Variants in ANXA3 observed in about 807,000 individuals in gnomAD.
ANXA3 encodes the protein annexin A3, also known as 35-alpha calcimedin.
In ANXA3, 46 loss-of-function variants were observed where a neutral mutation model predicts 48.8. The observed-to-expected ratio is 0.94, with a 90% CI of 0.74 to 1.21. The LOEUF (loss-of-function observed/expected upper bound fraction) is 1.21, where lower values mean the gene tolerates loss of function less well. Ranked by LOEUF, ANXA3 falls within the 50% of genes most tolerant of loss-of-function variation. The pLI, the probability that ANXA3 is intolerant of heterozygous loss-of-function variation, is 0.00. For missense variants in ANXA3, 383 were observed against 378.6 expected (o/e 1.01, Z -0.10); for synonymous variants, 128 against 134.7 (o/e 0.95, Z 0.35).
At chr4:78,551,999 C>G (rs1049143710) in intron 1 of ANXA3, 140 bp downstream of exon 1, 8 of 152,332 alleles carry the variant, frequency 5.3e-5, no homozygotes, top group African/African-American at 1.9e-4. Context: ...GGCTGGCGCC[C>G]GCGCCCGGCC....
intron 11 of ANXA3, 43 bp downstream of exon 11, chr4:78,601,611 T>G: frequency 6.5e-7 from 1 of 1,534,078 alleles, no homozygotes; most frequent in Non-Finnish European, 9.0e-7. Context: ...GTCCCTTAAT[T>G]CCCTTGGGAA....
Position 78,604,258 on chromosome 4 carries a change from C to T in ANXA3, c.790-19C>T, listed in dbSNP as rs1013555598. Reference sequence around the variant, plus strand: ...TGACCAATGACATTTGTGTTGTGAACACCTGCATTCCTTAACAGGGTATTG... The same window carrying T: ...TGACCAATGACATTTGTGTTGTGAATACCTGCATTCCTTAACAGGGTATTG... On this transcript the variant is annotated intron_variant, in intron 11 of 12. Transcript: ENST00000264908. 3.8e-6 allele frequency: 6 copies of T among 1,587,996 alleles called. No individual in the cohort carries two copies. The highest frequency in any genetic ancestry group is 5.2e-6 in the Non-Finnish European group (6 of 1,162,208).
At chr4:78,596,742 T>C (rs1369064476) in intron 9 of ANXA3, among the ~76,000 whole-genome samples, 1 of 152,234 alleles carries the variant, frequency 6.6e-6, no homozygotes, top group Non-Finnish European at 1.5e-5. Context: ...ATTTCTTTTT[T>C]TAAAAATGTA....
At chr4:78,604,430 A>ATTTTT in intron 12 of ANXA3, 31 bp downstream of exon 12, 2 of 1,592,902 alleles carry the variant, frequency 1.3e-6, no homozygotes, top group Non-Finnish European at 1.7e-6. Flanking sequence ...AGCAAAACAT[A>ATTTTT]TTTTGCCCTT....
At chr4:78,565,014 G>A (rs1722702543) in intron 2 of ANXA3, among the ~76,000 whole-genome samples, 1 of 134,182 alleles carries the variant, frequency 7.5e-6, no homozygotes, top group Non-Finnish European at 1.6e-5. Context: ...TTTTTTTTGA[G>A]ATGGAGTCTC....
chr4:78,581,843 A>G (rs1307810903), intron 4 of ANXA3, among the ~76,000 whole-genome samples: 2 of 152,180 alleles, frequency 1.3e-5, no homozygotes, highest in Non-Finnish European at 2.9e-5. Flanking sequence ...GCGTGAATTT[A>G]TAAGGGTTCC....
intron 8 of ANXA3, 52 bp from the exon 9 acceptor site, chr4:78,595,742 A>G: frequency 1.8e-6 from 2 of 1,130,556 alleles, no homozygotes; most frequent in Admixed American, 3.6e-5. Flanking sequence ...TTCTCATGTC[A>G]CCTCTCAAAA....
intron 7 of ANXA3, among the ~76,000 whole-genome samples, chr4:78,593,126 C>T (rs1723336056): frequency 6.6e-6 from 1 of 151,038 alleles, no homozygotes; most frequent in African/African-American, 2.4e-5. Flanking sequence ...CACACACACA[C>T]ACACACACAC....
At chr4:78,555,262 G>A (rs1352172299) in intron 2 of ANXA3, among the ~76,000 whole-genome samples, 2 of 152,086 alleles carry the variant, frequency 1.3e-5, no homozygotes, top group East Asian at 3.9e-4. Context: ...CTTGGAGTGG[G>A]GAAGATGCTT....
rs1466312683 is a variant in ANXA3 at position 78,610,249 on chromosome 4, A to G, written c.*134A>G. 1 of 506,300 alleles carries G rather than the reference A, an allele frequency of 2.0e-6. No homozygotes were observed. Among genetic ancestry groups the G allele is most frequent in the East Asian group, 3.0e-5 (1 of 33,006 alleles). 31.4% of individuals were successfully genotyped at this position (506,300 alleles called of 1,614,324 possible). A position where few individuals can be genotyped will look rare whatever the true frequency, so the allele number is the denominator to read the frequency against. The stretch of plus-strand genomic sequence containing the variant: ...TCCTAACAGGAATTTTCATTGTTCT[A>G]TAACAACAACAACAAAAGCGATTAT... On this transcript the variant is annotated 3_prime_UTR_variant, in exon 13 of 13. Coordinates refer to ENST00000264908, the MANE Select transcript of ANXA3 (RefSeq NM_005139.3).
At chr4:78,596,290 C>T (rs1376900377) in intron 9 of ANXA3, among the ~76,000 whole-genome samples, 1 of 152,240 alleles carries the variant, frequency 6.6e-6, no homozygotes, top group African/African-American at 2.4e-5. Context: ...TCTCTGTTGA[C>T]ACATCAATAC....
intron 2 of ANXA3, among the ~76,000 whole-genome samples, chr4:78,562,854 C>T (rs980931670): frequency 6.6e-6 from 1 of 152,050 alleles, no homozygotes; most frequent in Non-Finnish European, 1.5e-5. Context: ...GAGGGAATAT[C>T]TCGGGAAAGA....
intron 2 of ANXA3, among the ~76,000 whole-genome samples, chr4:78,567,216 A>T (rs1050251653): frequency 6.6e-6 from 1 of 152,202 alleles, no homozygotes; most frequent in Non-Finnish European, 1.5e-5. Flanking sequence ...TTAGTTTCCT[A>T]GGGCTGCTGT....
chr4:78,591,000 A>T (rs1374842066), intron 6 of ANXA3, among the ~76,000 whole-genome samples: 1 of 152,170 alleles, frequency 6.6e-6, no homozygotes, highest in Admixed American at 6.5e-5. Context: ...CAAGATGCAG[A>T]TATCAGTTCA....
chr4:78,591,871 G>T (rs944136100), intron 7 of ANXA3, among the ~76,000 whole-genome samples: 3 of 152,140 alleles, frequency 2.0e-5, no homozygotes, highest in African/African-American at 7.2e-5. Context: ...TTTTGGTCAG[G>T]TTTCACAATT....
intron 4 of ANXA3, 125 bp from the exon 5 acceptor site, chr4:78,582,052 G>A: frequency 1.6e-6 from 1 of 614,960 alleles, no homozygotes; most frequent in South Asian, 2.0e-5. Context: ...CAACACTTCT[G>A]TTTATTCCCT....
intron 7 of ANXA3, among the ~76,000 whole-genome samples, chr4:78,593,113 CCA>C (rs59972919): frequency 0.11 from 15,608 of 143,874 alleles, 949 homozygotes; most frequent in East Asian, 0.25. Flanking sequence ...AACACACATA[CCA>C]CACACACACA....
intron 2 of ANXA3, among the ~76,000 whole-genome samples, chr4:78,559,015 A>T (rs1467760555): frequency 6.6e-6 from 1 of 152,212 alleles, no homozygotes; most frequent in East Asian, 1.9e-4. Context: ...ATAATAATAA[A>T]TGTAATTCCT....
chr4:78,583,211 G>A (rs971746821), intron 5 of ANXA3, among the ~76,000 whole-genome samples: 3 of 152,076 alleles, frequency 2.0e-5, no homozygotes, highest in African/African-American at 7.2e-5. Context: ...GCATAGTAGT[G>A]CATTCCTGTA....
Sources: allele counts gnomAD v4.1 joint callset (sites outside exome capture counted in the v4.1 genomes callset), GRCh38; gene constraint gnomAD v4.1.1; transcripts MANE v1.5; gene names NCBI Gene and HGNC (gene_info 2026-07-23, HGNC 2026-07-21).